The following PCDHA11 variants were observed in gnomAD, a reference collection of about 807,000 sequenced individuals.
The protein encoded by PCDHA11 is protocadherin alpha-11.
In PCDHA11, 61 loss-of-function variants were observed where a neutral mutation model predicts 70.3. That is an observed-to-expected ratio of 0.87 (90% CI 0.71 to 1.07). The LOEUF (loss-of-function observed/expected upper bound fraction) is 1.07. PCDHA11 is among the 50% of genes least tolerant of loss of function. PCDHA11 has a pLI of 0.00. For synonymous variants in PCDHA11, 633 were observed against 555.1 expected (o/e 1.14, Z -1.97); for missense variants, 1,324 against 1,237.5 (o/e 1.07, Z -1.05).
intron 1 of PCDHA11, among the ~76,000 whole-genome samples, chr5:140,926,182 C>T (rs1041630365): frequency 2.6e-5 from 4 of 151,858 alleles, no homozygotes; most frequent in South Asian, 2.2e-4. Flanking sequence ...CGGAAAGCCC[C>T]CCGCAGCACT....
In PCDHA11 at chr5:140,968,804, G is replaced by T. The variant is rs147800392; in HGVS notation, c.2392-10145G>T. ...AGCCTCTGTGGCCATTACAGTAGCT[G>T]TGGTGGATAGGGTTTCCAAAATCCT... On this transcript the variant is annotated intron_variant, in intron 1 of 3. Transcript: ENST00000398640. 703 of 1,614,106 alleles carry T rather than the reference G, an allele frequency of 4.4e-4. No homozygotes were observed. The highest frequency in any genetic ancestry group is 5.7e-4 in the Non-Finnish European group (677 of 1,180,052).
intron 1 of PCDHA11, among the ~76,000 whole-genome samples, chr5:140,895,233 A>G (rs2064923914): frequency 3.3e-5 from 5 of 152,070 alleles, no homozygotes; most frequent in Admixed American, 2.6e-4. Context: ...GAGTTTTCTC[A>G]TCTCTCTTTT....
chr5:140,996,478 A>C (rs1241472780), intron 3 of PCDHA11, among the ~76,000 whole-genome samples: 1 of 152,214 alleles, frequency 6.6e-6, no homozygotes, highest in East Asian at 1.9e-4. Flanking sequence ...AGTAGTGCTC[A>C]GGCCTGGGCA....
chr5:140,917,294 G>A (rs1369973116), intron 1 of PCDHA11, among the ~76,000 whole-genome samples: 2 of 143,498 alleles, frequency 1.4e-5, no homozygotes, highest in Non-Finnish European at 3.0e-5. Flanking sequence ...TCCGTGTGCA[G>A]ATAGTTGTTA....
chr5:140,913,450 T>G (rs2153526628), intron 1 of PCDHA11, among the ~76,000 whole-genome samples: 1 of 152,270 alleles, frequency 6.6e-6, no homozygotes, highest in Middle Eastern at 3.4e-3. Flanking sequence ...TCAGCTCCGA[T>G]TTTATTTACT....
At chr5:140,898,818 A>G (rs2066994592) in intron 1 of PCDHA11, among the ~76,000 whole-genome samples, 1 of 152,216 alleles carries the variant, frequency 6.6e-6, no homozygotes, top group Admixed American at 6.5e-5. Flanking sequence ...CTTCCTACCC[A>G]TGAGCATGGA....
In PCDHA11 at chr5:140,929,760, G is replaced by A. The variant is rs139688975; in HGVS notation, c.2392-49189G>A. 1,459 of 180,340 alleles carry A rather than the reference G, an allele frequency of 8.1e-3. 10 individuals carry two copies. Among genetic ancestry groups the A allele is most frequent in the African/African-American group, 0.019 (807 of 42,220 alleles). The allele number at this position is 180,340 out of a possible 1,614,324, so 11.2% of individuals were successfully genotyped here. A position where few individuals can be genotyped will look rare whatever the true frequency, so the allele number is the denominator to read the frequency against. Reference sequence around the variant, plus strand: ...TTGCAATGCATTATTAAAAGATGACGATAACCACAAAAGATGTAAAAATAA... The same window carrying A: ...TTGCAATGCATTATTAAAAGATGACAATAACCACAAAAGATGTAAAAATAA... On this transcript the variant is annotated intron_variant, in intron 1 of 3. Transcript: ENST00000398640.
At chr5:140,927,808 T>A (rs782535814) in intron 1 of PCDHA11, 1 of 1,614,208 alleles carries the variant, frequency 6.2e-7, no homozygotes, top group African/African-American at 1.3e-5. Context: ...TGAAACGCTC[T>A]TGGAGGCATA....
chr5:140,953,564 GC>G (rs543933826), intron 1 of PCDHA11, among the ~76,000 whole-genome samples: 356 of 152,176 alleles, frequency 2.3e-3, no homozygotes, highest in African/African-American at 7.9e-3. Context: ...AAGTTTTAGT[GC>G]CCTCCTCTCC....
chr5:140,870,180 A>G lies in PCDHA11; in HGVS notation c.1077A>G (p.Arg359=). The part of the protein sequence containing the change: ...VAVTSLSLPV[R]EDAQPSTVIA... The stretch of plus-strand genomic sequence containing the variant: ...TGACTTCCTTGTCCCTCCCAGTACG[A>G]GAGGACGCTCAGCCCAGCACGGTCA... The change falls in exon 1 of 4, where the codon CGA becomes CGG. Residue 359 remains arginine, a synonymous_variant. Transcript: ENST00000398640. 2 of 1,614,112 alleles carry G rather than the reference A, an allele frequency of 1.2e-6. No individual in the cohort carries two copies. The highest frequency in any genetic ancestry group is 8.5e-7 in the Non-Finnish European group (1 of 1,180,022).
intron 1 of PCDHA11, among the ~76,000 whole-genome samples, chr5:140,977,466 T>A (rs1554238584): frequency 2.0e-5 from 3 of 152,246 alleles, no homozygotes; most frequent in African/African-American, 4.8e-5. Context: ...ATTTGGTCTG[T>A]AGATAATTTT....
At chr5:141,000,950 T>C (rs781867970) in intron 3 of PCDHA11, among the ~76,000 whole-genome samples, 2 of 152,214 alleles carry the variant, frequency 1.3e-5, no homozygotes, top group Non-Finnish European at 2.9e-5. Flanking sequence ...ATTATCTTGC[T>C]GTAATTTAAG....
At chr5:140,914,761 G>A (rs2076826214) in intron 1 of PCDHA11, among the ~76,000 whole-genome samples, 1 of 151,734 alleles carries the variant, frequency 6.6e-6, no homozygotes, top group Non-Finnish European at 1.5e-5. Context: ...GAGGTTACAT[G>A]AGGTTTATGA....
At chr5:140,954,834 G>A (rs879960376) in intron 1 of PCDHA11, among the ~76,000 whole-genome samples, 1 of 152,154 alleles carries the variant, frequency 6.6e-6, no homozygotes, top group African/African-American at 2.4e-5. Context: ...CTTTTGTCAT[G>A]AAATCTTTGC....
intron 1 of PCDHA11, among the ~76,000 whole-genome samples, chr5:140,875,148 G>T (rs1267290548): frequency 2.0e-5 from 3 of 152,118 alleles, no homozygotes; most frequent in Non-Finnish European, 4.4e-5. Context: ...TAAATGATCC[G>T]TGAAAAATAA....
intron 1 of PCDHA11, among the ~76,000 whole-genome samples, chr5:140,937,638 C>A (rs1563161991): frequency 6.7e-6 from 1 of 150,048 alleles, no homozygotes; most frequent in East Asian, 2.1e-4. Flanking sequence ...AAAGGCAGGG[C>A]ATGGTGGCTC....
rs201435940 is a variant in PCDHA11, at chr5:140,871,358, A to G, written c.2255A>G (p.Gln752Arg). The change falls in exon 1 of 4, where the codon CAG (glutamine) becomes CGG (arginine). Residue 752 changes from glutamine to arginine, a missense_variant. Transcript: ENST00000398640. The stretch of plus-strand genomic sequence containing the variant: ...GTGGGGAGCTGGTCATACTCGCAGC[A>G]GAGGCGGCAGAGGGTGTGCTCTGAG... ...RAVGSWSYSQ[Q>R]RRQRVCSEEG... 13 of 1,614,208 alleles carry G rather than the reference A, an allele frequency of 8.1e-6. No homozygotes were observed. In the East Asian group the frequency reaches 2.9e-4, roughly 36 times the overall value.
intron 1 of PCDHA11, chr5:140,876,134 A>T: frequency 6.2e-7 from 1 of 1,613,962 alleles, no homozygotes; most frequent in Non-Finnish European, 8.5e-7. Flanking sequence ...GGTAAACCAG[A>T]ACTAACAGGG....
At chr5:140,882,811 C>T in intron 1 of PCDHA11, 2 of 1,614,192 alleles carry the variant, frequency 1.2e-6, no homozygotes, top group Non-Finnish European at 8.5e-7. Flanking sequence ...TCACTTTGGA[C>T]GCACAAAACA....
Sources: gnomAD v4.1 joint callset for allele counts (sites outside exome capture counted in the v4.1 genomes callset) on GRCh38, gnomAD v4.1.1 for gene constraint, MANE v1.5 for transcripts, NCBI Gene and HGNC (gene_info 2026-07-23, HGNC 2026-07-21) for gene names.